AOPEP: variants seen among roughly 807,000 people sequenced by gnomAD.
AOPEP encodes aminopeptidase O (putative).
In AOPEP, 77 loss-of-function variants were observed where a neutral mutation model predicts 98.1. The ratio of observed to expected loss-of-function variants is 0.78; its 90% CI spans 0.65 to 0.95. The LOEUF is 0.95. Among genes scored for constraint, AOPEP ranks in the 40% least tolerant of loss-of-function variants. The probability of loss-of-function intolerance (pLI) is 0.00; values close to 1 mark genes in which losing one functional copy is unlikely to be tolerated. For synonymous variants in AOPEP, 346 were observed against 365.3 expected (o/e 0.95, Z 0.60); for missense variants, 1,024 against 1,024.7 (o/e 1.00, Z 0.01).
intron 5 of AOPEP, among the ~76,000 whole-genome samples, chr9:94,864,455 A>G (rs2045481016): frequency 6.6e-6 from 1 of 152,200 alleles, no homozygotes; most frequent in Non-Finnish European, 1.5e-5. Flanking sequence ...GAGGGGAAAA[A>G]AATGCGTTAA....
At chr9:94,762,096 G>T (rs1838438714) in intron 2 of AOPEP, among the ~76,000 whole-genome samples, 1 of 152,168 alleles carries the variant, frequency 6.6e-6, no homozygotes, top group Admixed American at 6.5e-5. Context: ...TTAGACTGGT[G>T]AATTAAATGA....
At chr9:94,884,694 C>T (rs188205578) in intron 5 of AOPEP, among the ~76,000 whole-genome samples, 2 of 152,238 alleles carry the variant, frequency 1.3e-5, no homozygotes, top group South Asian at 2.1e-4. Context: ...TAAGATGAAG[C>T]GAGTAAATGC....
At chr9:95,132,109 C>T in the AOPEP span, among the ~76,000 whole-genome samples, 1 of 152,306 alleles carries the variant, frequency 6.6e-6, no homozygotes, top group African/African-American at 2.4e-5. Context: ...CTTTTGGGGA[C>T]AAGTCTGCCT....
chr9:94,917,003 T>C (rs1311653363), intron 5 of AOPEP, among the ~76,000 whole-genome samples: 1 of 152,214 alleles, frequency 6.6e-6, no homozygotes, highest in Non-Finnish European at 1.5e-5. Context: ...TTCTTTAGCT[T>C]TGAAACCTGA....
chr9:94,819,491 A>G (rs1852495385), intron 5 of AOPEP, among the ~76,000 whole-genome samples: 1 of 152,208 alleles, frequency 6.6e-6, no homozygotes, highest in Non-Finnish European at 1.5e-5. Flanking sequence ...CATACACAGC[A>G]TTTTGTAAAT....
intron 1 of AOPEP, among the ~76,000 whole-genome samples, chr9:94,745,911 T>C (rs1834372489): frequency 1.3e-5 from 2 of 152,162 alleles, no homozygotes; most frequent in African/African-American, 2.4e-5. Flanking sequence ...GAACATACGG[T>C]ATTTCTATTT....
At chr9:95,059,094 A>G (rs372273686) in intron 13 of AOPEP, among the ~76,000 whole-genome samples, 1 of 152,250 alleles carries the variant, frequency 6.6e-6, no homozygotes, top group African/African-American at 2.4e-5. Context: ...TTAATACCGT[A>G]TGGTGGATGG....
At chr9:94,982,405 G>GC (rs1455468077) in intron 11 of AOPEP, among the ~76,000 whole-genome samples, 1 of 152,160 alleles carries the variant, frequency 6.6e-6, no homozygotes, top group African/African-American at 2.4e-5. Context: ...CCTGAGAGCA[G>GC]CCCGCTGTGT....
chr9:94,842,284 C>T (rs772736125), intron 5 of AOPEP, among the ~76,000 whole-genome samples: 14 of 152,116 alleles, frequency 9.2e-5, no homozygotes, highest in Non-Finnish European at 1.8e-4. Context: ...ATTGCTTGAA[C>T]CTGGGAGGCA....
At chr9:95,144,280 C>A in the AOPEP span, among the ~76,000 whole-genome samples, 1 of 152,210 alleles carries the variant, frequency 6.6e-6, no homozygotes. Flanking sequence ...ACTTGCTGAG[C>A]TGAAGCCACA....
chr9:94,766,527 A>C (rs139685120), intron 2 of AOPEP, among the ~76,000 whole-genome samples: 5,791 of 152,258 alleles, frequency 0.038, 350 homozygotes, highest in African/African-American at 0.13. Context: ...ACAGAGCGAG[A>C]CTCCATCTCA....
intron 14 of AOPEP, among the ~76,000 whole-genome samples, chr9:95,061,859 T>C (rs1403506211): frequency 2.6e-5 from 4 of 152,242 alleles, no homozygotes; most frequent in Admixed American, 2.6e-4. Flanking sequence ...AATTTACAAC[T>C]GTTGCTGTTT....
intron 5 of AOPEP, among the ~76,000 whole-genome samples, chr9:94,821,759 CTAAT>C (rs1853191000): frequency 6.6e-6 from 1 of 152,168 alleles, no homozygotes; most frequent in Non-Finnish European, 1.5e-5. Flanking sequence ...GTTGGCCTAA[CTAAT>C]CTATTTTTTC....
intron 13 of AOPEP, among the ~76,000 whole-genome samples, chr9:95,011,033 G>C (rs1033675306): frequency 6.6e-6 from 1 of 152,036 alleles, no homozygotes; most frequent in Non-Finnish European, 1.5e-5. Flanking sequence ...TTTTAGATGA[G>C]GTTTCACAAA....
At chr9:94,807,408 C>G (rs1001794829) in intron 5 of AOPEP, among the ~76,000 whole-genome samples, 1 of 152,166 alleles carries the variant, frequency 6.6e-6, no homozygotes, top group Non-Finnish European at 1.5e-5. Flanking sequence ...CTGGGGCCAT[C>G]CTTCAAGAGA....
intron 13 of AOPEP, among the ~76,000 whole-genome samples, chr9:95,045,550 G>C (rs1269882196): frequency 6.6e-6 from 1 of 152,230 alleles, no homozygotes; most frequent in Admixed American, 6.5e-5. Flanking sequence ...GATGCTGGTG[G>C]CTGGGTCCTC....
intron 11 of AOPEP, among the ~76,000 whole-genome samples, chr9:94,989,220 G>A (rs2132310855): frequency 6.6e-6 from 1 of 152,014 alleles, no homozygotes; most frequent in East Asian, 1.9e-4. Context: ...TCCCACCTCA[G>A]CCTCCCGAGT....
intron 9 of AOPEP, among the ~76,000 whole-genome samples, chr9:94,962,126 T>A (rs2058883430): frequency 6.6e-6 from 1 of 152,226 alleles, no homozygotes; most frequent in South Asian, 2.1e-4. Flanking sequence ...CTGCCAAGAT[T>A]CTTGTGACCT....
At chr9:94,949,988 A>T (rs746446723) in intron 7 of AOPEP, among the ~76,000 whole-genome samples, 1 of 152,232 alleles carries the variant, frequency 6.6e-6, no homozygotes, top group African/African-American at 2.4e-5. Context: ...AAGCTTAAAG[A>T]CCAGCCCTTA....
Sources: allele counts gnomAD v4.1 joint callset (sites outside exome capture counted in the v4.1 genomes callset), GRCh38; gene constraint gnomAD v4.1.1; transcripts MANE v1.5; gene names NCBI Gene and HGNC (gene_info 2026-07-23, HGNC 2026-07-21).